Variants in ANO3 observed in about 807,000 individuals in gnomAD.
The protein encoded by ANO3 is anoctamin 3.
In ANO3, 99 loss-of-function variants were observed where a neutral mutation model predicts 144.8. The ratio of observed to expected loss-of-function variants is 0.68; its 90% CI spans 0.58 to 0.81. ANO3 has a LOEUF of 0.81. ANO3 is among the 30% of genes least tolerant of loss of function. ANO3 has a pLI of 0.00. For synonymous variants in ANO3, 414 were observed against 392.6 expected (o/e 1.05, Z -0.64); for missense variants, 905 against 1,202.2 (o/e 0.75, Z 3.66).
At chr11:26,280,742 G>A (rs12284961) in intron 1 of ANO3, among the ~76,000 whole-genome samples, 26,995 of 151,848 alleles carry the variant, frequency 0.18, 2,651 homozygotes, top group African/African-American at 0.28. Flanking sequence ...TTACCATCAC[G>A]CCCAATAAGC....
Position 26,591,986 on chromosome 11 carries a change from G to A in ANO3, c.1448-6379G>A, listed in dbSNP as rs184271914. Among the ~76,000 whole-genome samples, 3 of 152,238 alleles carry A rather than the reference G, an allele frequency of 2.0e-5. No homozygotes were observed. The East Asian group carries it at 5.8e-4, about 29-fold the overall frequency. On this transcript the variant is annotated intron_variant, in intron 14 of 26. Coordinates refer to ENST00000256737, the MANE Select transcript of ANO3 (RefSeq NM_031418.4). ...TAGGGATGGGGAACTAGAGGGAAGG[G>A]ACTTGACTAATACCATGTCACCAGG...
intron 1 of ANO3, among the ~76,000 whole-genome samples, chr11:26,191,335 T>C (rs912031619): frequency 4.7e-4 from 68 of 144,188 alleles, no homozygotes; most frequent in Admixed American, 4.1e-3. Context: ...TATACACACA[T>C]ACACACACAC....
At chr11:26,354,970 CAAT>C (rs1051162721) in intron 1 of ANO3, among the ~76,000 whole-genome samples, 19 of 150,612 alleles carry the variant, frequency 1.3e-4, no homozygotes, top group African/African-American at 4.4e-4. Flanking sequence ...AAAGGCCTAG[CAAT>C]AATGTTTTCT....
chr11:26,559,828 T>A, intron 14 of ANO3, 49 bp downstream of exon 14: 1 of 1,160,774 alleles, frequency 8.6e-7, no homozygotes, highest in Non-Finnish European at 1.3e-6. Context: ...TGAAGCTGTT[T>A]CTGTGTTACA....
At chr11:26,298,519 A>G (rs1057147518) in intron 1 of ANO3, among the ~76,000 whole-genome samples, 5 of 152,192 alleles carry the variant, frequency 3.3e-5, no homozygotes, top group African/African-American at 1.2e-4. Flanking sequence ...CAGGCCTTGT[A>G]GAGCTCGTTT....
chr11:26,378,067 C>A (rs1162230160), intron 1 of ANO3, among the ~76,000 whole-genome samples: 1 of 151,896 alleles, frequency 6.6e-6, no homozygotes, highest in Admixed American at 6.6e-5. Context: ...CATACTTATA[C>A]AGTGTAAATA....
rs1166462594 is a variant in ANO3 at position 26,564,684 on chromosome 11, C to CATAT, written c.1447+4911_1447+4914dup. On this transcript the variant is annotated intron_variant, in intron 14 of 26. Transcript: ENST00000256737. ...TTTTAAAAACTCATATATATATACTCATATATATACACACACACACACACA... is the reference window on the plus strand; with the variant it reads ...TTTTAAAAACTCATATATATATACTCATATATATATATACACACACACACACACA... 8.9e-3 allele frequency among the ~76,000 whole-genome samples: 702 copies of CATAT among 79,006 alleles called. 27 individuals are homozygous for CATAT. Among genetic ancestry groups the CATAT allele is most frequent in the Non-Finnish European group, 0.013 (518 of 38,514 alleles). The allele number at this position is 79,006 out of a possible 152,430, so 51.8% of individuals were successfully genotyped here.
intron 11 of ANO3, among the ~76,000 whole-genome samples, chr11:26,546,399 G>T (rs1435939996): frequency 6.6e-6 from 1 of 151,942 alleles, no homozygotes; most frequent in Non-Finnish European, 1.5e-5. Flanking sequence ...AGCAGAAAGA[G>T]AATAGTTTTC....
chr11:26,422,695 T>A (rs536869074), intron 1 of ANO3, among the ~76,000 whole-genome samples: 2 of 151,938 alleles, frequency 1.3e-5, no homozygotes, highest in Non-Finnish European at 2.9e-5. Context: ...TAGTCAAGAA[T>A]ACCAGGTTAA....
At chr11:26,487,643 T>C (rs1459763886) in intron 4 of ANO3, among the ~76,000 whole-genome samples, 1 of 152,032 alleles carries the variant, frequency 6.6e-6, no homozygotes, top group Non-Finnish European at 1.5e-5. Context: ...CCGATAGTGA[T>C]ATGAGCAATA....
At chr11:26,373,535 A>G (rs533540200) in intron 1 of ANO3, among the ~76,000 whole-genome samples, 1 of 152,192 alleles carries the variant, frequency 6.6e-6, no homozygotes, top group Non-Finnish European at 1.5e-5. Flanking sequence ...GTATTTCTTT[A>G]TATCAGTGTG....
At chr11:26,256,995 T>C (rs1018834627) in intron 1 of ANO3, among the ~76,000 whole-genome samples, 1 of 152,004 alleles carries the variant, frequency 6.6e-6, no homozygotes, top group Non-Finnish European at 1.5e-5. Context: ...AGCAAAAAAA[T>C]TATCCATCCC....
chr11:26,222,816 C>A (rs1385523665), intron 1 of ANO3, among the ~76,000 whole-genome samples: 2 of 152,138 alleles, frequency 1.3e-5, no homozygotes, highest in African/African-American at 2.4e-5. Flanking sequence ...TGGGGATGAG[C>A]CTCTCAGGGT....
At chr11:26,502,051 A>G (rs1367053177) in intron 4 of ANO3, among the ~76,000 whole-genome samples, 1 of 152,140 alleles carries the variant, frequency 6.6e-6, no homozygotes, top group Middle Eastern at 3.2e-3. Flanking sequence ...TACGTAAAGG[A>G]CTTCTACTTT....
At chr11:26,277,187 A>C (rs1176939876) in intron 1 of ANO3, among the ~76,000 whole-genome samples, 9 of 152,130 alleles carry the variant, frequency 5.9e-5, no homozygotes. Context: ...ACTATTTTTG[A>C]TGAATTTAAA....
At chr11:26,387,130 ATTTT>A (rs372622053) in intron 1 of ANO3, among the ~76,000 whole-genome samples, 1 of 128,342 alleles carries the variant, frequency 7.8e-6, no homozygotes. Flanking sequence ...CAAATGTAGT[ATTTT>A]TTTTTTTTTT....
At chr11:26,541,640 T>G (rs368401798) in intron 10 of ANO3, among the ~76,000 whole-genome samples, 1 of 71,764 alleles carries the variant, frequency 1.4e-5, no homozygotes, top group African/African-American at 4.1e-5. Flanking sequence ...ATGGTGAAGA[T>G]ATTGTGTTTA....
intron 14 of ANO3, among the ~76,000 whole-genome samples, chr11:26,588,637 G>A (rs2132883508): frequency 6.6e-6 from 1 of 152,314 alleles, no homozygotes; most frequent in South Asian, 2.1e-4. Context: ...AAGAAAGCAT[G>A]TGACAGACAC....
intron 1 of ANO3, among the ~76,000 whole-genome samples, chr11:26,345,417 G>A (rs563421983): frequency 2.0e-5 from 3 of 152,252 alleles, no homozygotes; most frequent in East Asian, 1.9e-4. Context: ...TTAGGGTATC[G>A]TGGCATGTGC....
Sources: gnomAD v4.1 joint callset for allele counts (sites outside exome capture counted in the v4.1 genomes callset) on GRCh38, gnomAD v4.1.1 for gene constraint, MANE v1.5 for transcripts, NCBI Gene and HGNC (gene_info 2026-07-23, HGNC 2026-07-21) for gene names.